The following PTPRD variants were observed in gnomAD, a reference collection of about 807,000 sequenced individuals.
PTPRD encodes protein tyrosine phosphatase receptor type D.
A neutral mutation model predicts 214.5 loss-of-function variants in PTPRD; 34 were observed. The observed-to-expected ratio is 0.16, with a 90% confidence interval of 0.12 to 0.21. PTPRD has a LOEUF of 0.21. PTPRD is among the 10% of genes least tolerant of loss of function. PTPRD has a pLI of 1.00. For synonymous variants in PTPRD, 1,128 were observed against 845.7 expected (o/e 1.33, Z -5.79); for missense variants, 2,545 against 2,398.7 (o/e 1.06, Z -1.27).
At chr9:9,734,668 T>C (rs2098261106) in intron 6 of PTPRD, 97 bp from the exon 7 acceptor site, 1 of 152,134 alleles carries the variant, frequency 6.6e-6, no homozygotes, top group South Asian at 2.1e-4. Flanking sequence ...TATTATTCTA[T>C]TTACAAGTAC....
intron 4 of PTPRD, among the ~76,000 whole-genome samples, chr9:9,958,921 G>C (rs1211497751): frequency 6.6e-6 from 1 of 152,160 alleles, no homozygotes; most frequent in Non-Finnish European, 1.5e-5. Flanking sequence ...AAATGGTACA[G>C]CCATTTTAGA....
intron 11 of PTPRD, among the ~76,000 whole-genome samples, chr9:8,811,967 G>A (rs1028831793): frequency 6.6e-6 from 1 of 152,096 alleles, no homozygotes; most frequent in African/African-American, 2.4e-5. Context: ...GCTTCGAGGA[G>A]ATCAACACAG....
intron 3 of PTPRD, among the ~76,000 whole-genome samples, chr9:10,166,855 C>T (rs1183208410): frequency 6.6e-6 from 1 of 152,072 alleles, no homozygotes; most frequent in East Asian, 1.9e-4. Flanking sequence ...AGTTTTATTT[C>T]CATCATTAAT....
Position 9,560,183 on chromosome 9 carries a change from CCTTA to C in PTPRD, c.-237+14545_-237+14548del, listed in dbSNP as rs1486880710. Among the ~76,000 whole-genome samples, 13 of 152,278 alleles carry C rather than the reference CCTTA, an allele frequency of 8.5e-5. No individual in the cohort carries two copies. In the South Asian group the frequency reaches 2.1e-3, roughly 24 times the overall value. On this transcript the variant is annotated intron_variant, in intron 8 of 45. Coordinates refer to ENST00000381196, the MANE Select transcript of PTPRD (RefSeq NM_002839.4). ...CACTAAGTCTGTACATGACTGTGGA[CCTTA>C]CTTACTTAACTCCCACAACTCAGCC...
intron 5 of PTPRD, among the ~76,000 whole-genome samples, chr9:9,850,721 T>C (rs889245228): frequency 6.6e-6 from 1 of 152,160 alleles, no homozygotes; most frequent in Non-Finnish European, 1.5e-5. Context: ...TTTTCAAGTA[T>C]AAAACACATT....
intron 2 of PTPRD, among the ~76,000 whole-genome samples, chr9:10,381,552 G>A (rs1457797105): frequency 6.6e-6 from 1 of 151,910 alleles, no homozygotes; most frequent in Non-Finnish European, 1.5e-5. Context: ...TGACATTCAT[G>A]GTCCCACAGA....
intron 14 of PTPRD, among the ~76,000 whole-genome samples, chr9:8,617,587 G>T (rs926261469): frequency 6.6e-6 from 1 of 151,890 alleles, no homozygotes; most frequent in Non-Finnish European, 1.5e-5. Flanking sequence ...CTAAGTACTG[G>T]GATAAGCAAT....
chr9:9,082,567 G>A (rs972271729), intron 10 of PTPRD, among the ~76,000 whole-genome samples: 2 of 152,286 alleles, frequency 1.3e-5, no homozygotes, highest in Middle Eastern at 3.4e-3. Flanking sequence ...TCAGGCAAGA[G>A]AAAGAAATAA....
At chr9:9,238,396 G>A (rs1363883717) in intron 9 of PTPRD, among the ~76,000 whole-genome samples, 1 of 151,986 alleles carries the variant, frequency 6.6e-6, no homozygotes, top group Non-Finnish European at 1.5e-5. Flanking sequence ...AATTATTGCT[G>A]CAGGGGATAC....
chr9:10,023,716 G>T (rs1024691430), intron 4 of PTPRD, among the ~76,000 whole-genome samples: 1 of 148,904 alleles, frequency 6.7e-6, no homozygotes. Context: ...ATATTGAATT[G>T]CAATTTAGGG....
At chr9:8,830,955 A>G (rs2097276910) in intron 11 of PTPRD, among the ~76,000 whole-genome samples, 1 of 152,190 alleles carries the variant, frequency 6.6e-6, no homozygotes, top group Non-Finnish European at 1.5e-5. Flanking sequence ...TATGAAGTTT[A>G]TATTTTTAAT....
chr9:8,590,932 G>A (rs1160410264), intron 14 of PTPRD, among the ~76,000 whole-genome samples: 1 of 152,180 alleles, frequency 6.6e-6, no homozygotes, highest in Admixed American at 6.5e-5. Flanking sequence ...TGAGGTGTCA[G>A]CAGGACTGAT....
At chr9:9,906,918 C>T (rs1043107098) in intron 5 of PTPRD, among the ~76,000 whole-genome samples, 2 of 151,830 alleles carry the variant, frequency 1.3e-5, no homozygotes, top group South Asian at 2.1e-4. Flanking sequence ...TAATTCACTG[C>T]GTTTGTGGCC....
chr9:8,487,498 G>T (rs1305187781), intron 27 of PTPRD, among the ~76,000 whole-genome samples: 6 of 152,174 alleles, frequency 3.9e-5, no homozygotes, highest in Non-Finnish European at 5.9e-5. Flanking sequence ...GGGAGCTGAG[G>T]TGGGAGGACT....
At chr9:8,528,389 C>G in intron 15 of PTPRD, 1 of 631,144 alleles carries the variant, frequency 1.6e-6, no homozygotes, top group Non-Finnish European at 2.8e-6. Flanking sequence ...CTGCAAAACA[C>G]ACAGAGAAAA....
chr9:10,014,151 C>G (rs918199748), intron 4 of PTPRD, among the ~76,000 whole-genome samples: 1 of 151,868 alleles, frequency 6.6e-6, no homozygotes, highest in Non-Finnish European at 1.5e-5. Flanking sequence ...ACATTTCAGT[C>G]CTGAATATAA....
At chr9:10,435,159 T>A (rs923685906) in intron 2 of PTPRD, among the ~76,000 whole-genome samples, 1 of 151,854 alleles carries the variant, frequency 6.6e-6, no homozygotes, top group South Asian at 2.1e-4. Flanking sequence ...TGGCACTATT[T>A]GAGCAAAGTT....
At chr9:8,690,610 T>A (rs2097783347) in intron 12 of PTPRD, among the ~76,000 whole-genome samples, 1 of 151,846 alleles carries the variant, frequency 6.6e-6, no homozygotes, top group Admixed American at 6.6e-5. Flanking sequence ...GAACACAATA[T>A]GTTTCTCATA....
At chr9:9,692,943 G>C (rs976006430) in intron 7 of PTPRD, among the ~76,000 whole-genome samples, 4 of 151,992 alleles carry the variant, frequency 2.6e-5, no homozygotes, top group African/African-American at 9.7e-5. Context: ...TTGGCATATA[G>C]AAATGATACT....
Sources: allele counts gnomAD v4.1 joint callset (sites outside exome capture counted in the v4.1 genomes callset), GRCh38; gene constraint gnomAD v4.1.1; transcripts MANE v1.5; gene names NCBI Gene and HGNC (gene_info 2026-07-23, HGNC 2026-07-21).